RECQL5: variants seen among roughly 807,000 people sequenced by gnomAD.
The protein encoded by RECQL5 is RecQ like helicase 5.
In RECQL5, 88 loss-of-function variants were observed where a neutral mutation model predicts 103.4. That is an observed-to-expected ratio of 0.85 (90% confidence interval 0.72 to 1.02). The LOEUF (loss-of-function observed/expected upper bound fraction) is 1.02, where lower values mean the gene tolerates loss of function less well. Ranked by LOEUF, RECQL5 falls within the 50% of genes least tolerant of loss-of-function variation. RECQL5 has a pLI of 0.00. For synonymous variants in RECQL5, 552 were observed against 507.9 expected, an observed-to-expected ratio of 1.09 and a Z score of -1.17; for missense variants, 1,232 against 1,284.3, an observed-to-expected ratio of 0.96 and a Z score of 0.62.
chr17:75,662,387 A>G (rs2059711124), intron 4 of RECQL5, 92 bp downstream of exon 4: 20 of 1,383,076 alleles, frequency 1.4e-5, no homozygotes, highest in Non-Finnish European at 1.9e-5. Flanking sequence ...TGAGAAAGCT[A>G]GAAAAACCAA....
intron 7 of RECQL5, among the ~76,000 whole-genome samples, chr17:75,655,464 T>C (rs1029248468): frequency 7.5e-4 from 106 of 141,686 alleles, no homozygotes; most frequent in African/African-American, 2.0e-3. Context: ...TCCGGGTTCA[T>C]GCCATTCTCC....
At chr17:75,635,714 G>A in intron 8 of RECQL5, 2 of 863,044 alleles carry the variant, frequency 2.3e-6, no homozygotes, top group Non-Finnish European at 2.8e-6. Context: ...ACGAGATAAT[G>A]CCCAACAGGG....
chr17:75,665,840 A>C (rs2059769446), intron 2 of RECQL5, among the ~76,000 whole-genome samples: 1 of 152,228 alleles, frequency 6.6e-6, no homozygotes, highest in Admixed American at 6.5e-5. Context: ...TTAGACATGT[A>C]TCATTAATAT....
Position 75,640,806 on chromosome 17 carries a change from T to TGCTGCTGATAGCCTGCA in RECQL5, c.1230-9155_1230-9139dup. 1 of 1,550,430 alleles carries TGCTGCTGATAGCCTGCA rather than the reference T, an allele frequency of 6.4e-7. No individual in the cohort carries two copies. Among genetic ancestry groups the TGCTGCTGATAGCCTGCA allele is most frequent in the African/African-American group, 1.4e-5 (1 of 73,188 alleles). On this transcript the variant is annotated intron_variant, in intron 8 of 19. Transcript: ENST00000317905. The surrounding 1 kb of genome is among the most constrained non-coding windows in gnomAD (Gnocchi z 4.6). ...GGCCCTCCAGCTACTGTTCTGCTGT[T>TGCTGCTGATAGCCTGCA]GCTGCTGATAGCCTGCAGCTGCTGC...
At chr17:75,658,931 GT>G (rs2059663251) in intron 6 of RECQL5, among the ~76,000 whole-genome samples, 3 of 152,158 alleles carry the variant, frequency 2.0e-5, no homozygotes, top group African/African-American at 7.2e-5. Flanking sequence ...ATTCAGAAAG[GT>G]AAATTTGTAC....
chr17:75,634,514 T>G (rs1308541096), intron 8 of RECQL5, among the ~76,000 whole-genome samples: 1 of 152,214 alleles, frequency 6.6e-6, no homozygotes, highest in Non-Finnish European at 1.5e-5. Flanking sequence ...TCAGGGGGCT[T>G]AAAAGAGGGA....
At chr17:75,656,857 G>A (rs1226537755) in intron 7 of RECQL5, among the ~76,000 whole-genome samples, 1 of 149,074 alleles carries the variant, frequency 6.7e-6, no homozygotes, top group Non-Finnish European at 1.5e-5. Flanking sequence ...CCCTTCTCCT[G>A]CCCCAACCTC....
chr17:75,666,020 C>CTG (rs1218592214), intron 2 of RECQL5, among the ~76,000 whole-genome samples: 1 of 152,206 alleles, frequency 6.6e-6, no homozygotes, highest in African/African-American at 2.4e-5. Context: ...CTCACTGTTG[C>CTG]TGTTCGTTTG....
chr17:75,630,025 C>T (rs953265744), intron 14 of RECQL5, among the ~76,000 whole-genome samples, 159 bp downstream of exon 14: 5 of 152,096 alleles, frequency 3.3e-5, no homozygotes, highest in African/African-American at 1.2e-4. Context: ...CATGTCCAGC[C>T]AGTGGAGAAT....
intron 13 of RECQL5, 155 bp downstream of exon 13, chr17:75,630,464 C>G (rs763594646): frequency 4.3e-6 from 4 of 928,558 alleles, no homozygotes; most frequent in Non-Finnish European, 6.6e-6. Context: ...GTAGCCATGC[C>G]TGGCCCTGGT....
At chr17:75,656,794 G>A (rs1298332445) in intron 7 of RECQL5, among the ~76,000 whole-genome samples, 1 of 147,018 alleles carries the variant, frequency 6.8e-6, no homozygotes, top group African/African-American at 2.5e-5. Context: ...CCCCAGGCTG[G>A]AGTGCAGAGG....
At chr17:75,634,322 G>A (rs965817980) in intron 8 of RECQL5, 2 of 940,764 alleles carry the variant, frequency 2.1e-6, no homozygotes. Flanking sequence ...GGACATGCTG[G>A]GTCGCTTCCC....
rs1395556886 is a variant in RECQL5 at position 75,631,157 on chromosome 17, A to C, written c.1541T>G (p.Leu514Arg). ...CTGAGTGCCTCCCCTCACCTTGCGC[A>C]GCTGCATCTGCTTCTGATAGAAGAG... ...WNLFYQKQMQ[L>R]RKGKDPKIEE... is the part of the protein sequence containing the mutation. Residue 514 changes from leucine (L) to arginine (R), a missense_variant, in exon 10 of 20, where the codon CTG becomes CGG. Physicochemically the swap from Leu to Arg is moderately radical, Grantham distance 102 (BLOSUM62 -2). Coordinates refer to ENST00000317905, the MANE Select transcript of RECQL5 (RefSeq NM_004259.7). The C allele has an allele frequency of 6.2e-7, 1 of 1,613,826 alleles. No homozygotes were observed. The highest frequency in any genetic ancestry group is 2.2e-5 in the East Asian group (1 of 44,882).
rs952987214 is a variant in RECQL5, at chr17:75,640,489, T to C, written c.1230-8821A>G. Among the ~76,000 whole-genome samples the C allele has an allele frequency of 7.2e-5, 11 of 152,102 alleles. No individual in the cohort carries two copies. Among genetic ancestry groups the C allele is most frequent in the Admixed American group, 7.2e-4 (11 of 15,280 alleles). On this transcript the variant is annotated intron_variant, in intron 8 of 19. Transcript: ENST00000317905. The surrounding 1 kb of genome is among the most constrained non-coding windows in gnomAD (Gnocchi z 4.6). Reference sequence around the variant, plus strand: ...AAGCCAAGGGACTTCCCTCATCCTCTGATATGCTGCTTGGGTGATGGGCGG... The same window carrying C: ...AAGCCAAGGGACTTCCCTCATCCTCCGATATGCTGCTTGGGTGATGGGCGG...
At chr17:75,648,261 C>T (rs990310352) in intron 8 of RECQL5, among the ~76,000 whole-genome samples, 6 of 152,142 alleles carry the variant, frequency 3.9e-5, no homozygotes, top group South Asian at 2.1e-4. Flanking sequence ...TTTGTATCTC[C>T]GTTTGAACCT....
At chr17:75,650,087 C>A in intron 8 of RECQL5, 1 of 985,786 alleles carries the variant, frequency 1.0e-6, no homozygotes. Context: ...TTGGCCCTTT[C>A]ATTCCTCACC....
intron 8 of RECQL5, chr17:75,647,717 T>C (rs934708692): frequency 1.3e-6 from 1 of 743,202 alleles, no homozygotes; most frequent in Non-Finnish European, 2.2e-6. Context: ...AAATACTGTA[T>C]CTGGCTTAGG....
In RECQL5 at chr17:75,627,053, G is replaced by A. The variant is rs73995936; in HGVS notation, c.*369C>T. ...GGGTGGAGGATCTGAGGGTCCCCTG[G>A]GTAGGTTCCGATACCTTGGACAGGT... On this transcript the variant is annotated 3_prime_UTR_variant, in exon 20 of 20. Coordinates refer to ENST00000317905, the MANE Select transcript of RECQL5 (RefSeq NM_004259.7). 4.3e-3 allele frequency: 1,821 copies of A among 422,508 alleles called. 27 individuals carry two copies. The highest frequency in any genetic ancestry group is 0.033 in the African/African-American group (1,614 of 49,302). The allele number at this position is 422,508 out of a possible 1,614,324, so 26.2% of individuals were successfully genotyped here.
intron 8 of RECQL5, among the ~76,000 whole-genome samples, chr17:75,645,194 A>G (rs1425124681): frequency 1.3e-5 from 2 of 152,236 alleles, no homozygotes; most frequent in Non-Finnish European, 2.9e-5. Flanking sequence ...GTTTTTACAA[A>G]ATGTCCCTGA....
Sources: gnomAD v4.1 joint callset for allele counts (sites outside exome capture counted in the v4.1 genomes callset) on GRCh38, gnomAD v4.1.1 for gene constraint, Gnocchi (gnomAD v3.1) non-coding constraint, MANE v1.5 for transcripts, NCBI Gene and HGNC (gene_info 2026-07-23, HGNC 2026-07-21) for gene names.